CDYL: variants seen among roughly 807,000 people sequenced by gnomAD.
The protein encoded by CDYL is chromodomain Y like.
In CDYL, 8 loss-of-function variants were observed where a neutral mutation model predicts 47.3. That is an observed-to-expected ratio of 0.17 (90% CI 0.10 to 0.31). The LOEUF (loss-of-function observed/expected upper bound fraction) is 0.31. Ranked by LOEUF, CDYL falls within the 10% of genes least tolerant of loss-of-function variation. The probability of loss-of-function intolerance (pLI) is 1.00; values close to 1 mark genes in which losing one functional copy is unlikely to be tolerated. For synonymous variants in CDYL, 266 were observed against 265.0 expected, an observed-to-expected ratio of 1.00 and a Z score of -0.04; for missense variants, 471 against 701.4, an observed-to-expected ratio of 0.67 and a Z score of 3.71.
intron 3 of CDYL, among the ~76,000 whole-genome samples, chr6:4,742,171 T>C (rs1267997755): frequency 6.6e-6 from 1 of 152,002 alleles, no homozygotes; most frequent in Non-Finnish European, 1.5e-5. Context: ...TTGGGCAACA[T>C]AGTGAAGCCT....
chr6:4,783,250 GT>G (rs144564528), intron 1 of CDYL, among the ~76,000 whole-genome samples: 30 of 141,844 alleles, frequency 2.1e-4, no homozygotes, highest in Middle Eastern at 3.6e-3. Context: ...AAGTTTCTAG[GT>G]TTTTTTTTTT....
chr6:4,885,317 C>T (rs895463028), intron 1 of CDYL, among the ~76,000 whole-genome samples: 5 of 152,154 alleles, frequency 3.3e-5, no homozygotes, highest in African/African-American at 9.7e-5. Flanking sequence ...AACTTGTGTA[C>T]CGTTCTGAGC....
chr6:4,837,503 C>G (rs141468302), intron 1 of CDYL, among the ~76,000 whole-genome samples: 5,272 of 142,740 alleles, frequency 0.037, 317 homozygotes, highest in African/African-American at 0.13. Flanking sequence ...CTTGCTCTGT[C>G]GCCCAGGCTG....
intron 3 of CDYL, among the ~76,000 whole-genome samples, chr6:4,742,637 T>C (rs1250551973): frequency 2.6e-5 from 4 of 152,088 alleles, no homozygotes; most frequent in Admixed American, 2.6e-4. Context: ...TCCATAGCAA[T>C]GATCAAATCC....
chr6:4,849,533 T>C (rs201414703), intron 1 of CDYL, among the ~76,000 whole-genome samples: 22 of 152,264 alleles, frequency 1.4e-4, no homozygotes, highest in East Asian at 9.7e-4. Context: ...GTTATGTTGC[T>C]AAGTTATTTG....
At chr6:4,918,843 A>G (rs904570525) in intron 2 of CDYL, among the ~76,000 whole-genome samples, 4 of 152,208 alleles carry the variant, frequency 2.6e-5, no homozygotes, top group Non-Finnish European at 4.4e-5. Context: ...GTTACTAAAG[A>G]CTTTGCTGCT....
intron 1 of CDYL, among the ~76,000 whole-genome samples, chr6:4,888,917 C>G (rs1218127917): frequency 6.6e-6 from 1 of 152,192 alleles, no homozygotes; most frequent in Non-Finnish European, 1.5e-5. Flanking sequence ...TTGTTATTTT[C>G]AGTATCATCC....
intron 1 of CDYL, among the ~76,000 whole-genome samples, chr6:4,864,394 C>G (rs1232235847): frequency 6.6e-6 from 1 of 152,080 alleles, no homozygotes; most frequent in Non-Finnish European, 1.5e-5. Context: ...ATTTTATTGA[C>G]TAAAATTTGT....
intron 1 of CDYL, among the ~76,000 whole-genome samples, chr6:4,884,774 T>C (rs953661010): frequency 6.6e-6 from 1 of 152,196 alleles, no homozygotes; most frequent in Non-Finnish European, 1.5e-5. Flanking sequence ...TAACCTATTG[T>C]TCCAGCAGTT....
chr6:4,926,292 G>C (rs1486641060), intron 2 of CDYL, among the ~76,000 whole-genome samples: 2 of 152,156 alleles, frequency 1.3e-5, no homozygotes, highest in Non-Finnish European at 2.9e-5. Context: ...TTTTGTATAG[G>C]TGAATAGGAT....
At chr6:4,780,564 C>G (rs1201075567) in intron 1 of CDYL, among the ~76,000 whole-genome samples, 3 of 151,896 alleles carry the variant, frequency 2.0e-5, no homozygotes, top group Admixed American at 6.6e-5. Flanking sequence ...TCACTGCACC[C>G]GGCCTTCCCT....
chr6:4,940,880 G>A (rs1162115756), intron 4 of CDYL, among the ~76,000 whole-genome samples: 1 of 152,216 alleles, frequency 6.6e-6, no homozygotes, highest in African/African-American at 2.4e-5. Context: ...TCAAACGAAG[G>A]TGCCATTCAA....
chr6:4,844,238 G>A (rs1760587841), intron 1 of CDYL, among the ~76,000 whole-genome samples: 1 of 152,208 alleles, frequency 6.6e-6, no homozygotes, highest in Non-Finnish European at 1.5e-5. Context: ...TTGTGGTTTG[G>A]TTTTGTTCAT....
chr6:4,738,738 A>G (rs930402778), intron 3 of CDYL, among the ~76,000 whole-genome samples: 2 of 152,244 alleles, frequency 1.3e-5, no homozygotes, highest in African/African-American at 2.4e-5. Context: ...GTGTTGCTCT[A>G]TAGTAGAGAT....
intron 5 of CDYL, among the ~76,000 whole-genome samples, chr6:4,948,378 C>T (rs1758593510): frequency 6.6e-6 from 1 of 152,180 alleles, no homozygotes; most frequent in African/African-American, 2.4e-5. Context: ...CCAGAAAGGG[C>T]CATGAGGCTT....
chr6:4,755,670 A>G (rs1758063613), intron 3 of CDYL, among the ~76,000 whole-genome samples: 1 of 152,222 alleles, frequency 6.6e-6, no homozygotes, highest in African/African-American at 2.4e-5. Flanking sequence ...TATCAATTAT[A>G]TACTACATAC....
intron 1 of CDYL, among the ~76,000 whole-genome samples, chr6:4,792,728 G>A (rs150239393): frequency 1.3e-5 from 2 of 152,008 alleles, no homozygotes; most frequent in South Asian, 2.1e-4. Flanking sequence ...GAGCCACCGC[G>A]CCTGGCTTCT....
intron 2 of CDYL, among the ~76,000 whole-genome samples, chr6:4,933,720 T>C (rs1410347671): frequency 6.6e-6 from 1 of 152,234 alleles, no homozygotes. Context: ...CTTTGCTGAC[T>C]GGTAACATCC....
chr6:4,797,351 T>G (rs1759101825), intron 1 of CDYL, among the ~76,000 whole-genome samples: 1 of 152,124 alleles, frequency 6.6e-6, no homozygotes, highest in African/African-American at 2.4e-5. Flanking sequence ...GAGAACTTAC[T>G]GTTTTCTTTA....
Sources: gnomAD v4.1 joint callset for allele counts (sites outside exome capture counted in the v4.1 genomes callset) on GRCh38, gnomAD v4.1.1 for gene constraint, MANE v1.5 for transcripts, NCBI Gene and HGNC (gene_info 2026-07-23, HGNC 2026-07-21) for gene names.